Variants in FCHSD2 observed in about 807,000 individuals in gnomAD.
FCHSD2 encodes the protein F-BAR and double SH3 domains protein 2.
In FCHSD2, 38 loss-of-function variants were observed where a neutral mutation model predicts 108.1. The observed-to-expected ratio is 0.35, with a 90% CI of 0.27 to 0.46. FCHSD2 has a LOEUF of 0.46. FCHSD2 is among the 20% of genes least tolerant of loss of function. The pLI is 1.00. For missense variants in FCHSD2, 751 were observed against 897.8 expected, an observed-to-expected ratio of 0.84 and a Z score of 2.09; for synonymous variants, 279 against 314.7, an observed-to-expected ratio of 0.89 and a Z score of 1.20.
intron 12 of FCHSD2, among the ~76,000 whole-genome samples, chr11:72,880,714 G>A (rs1474951526): frequency 4.0e-5 from 6 of 151,742 alleles, no homozygotes; most frequent in African/African-American, 1.5e-4. Context: ...CCAGGAGTTC[G>A]AGACCAGTCT....
intron 3 of FCHSD2, among the ~76,000 whole-genome samples, chr11:73,077,960 G>A (rs1414860706): frequency 6.6e-6 from 1 of 152,186 alleles, no homozygotes; most frequent in East Asian, 1.9e-4. Context: ...GAGTAAGAGT[G>A]AGGGCAGTAA....
chr11:72,896,783 A>G (rs1855427777), intron 10 of FCHSD2, among the ~76,000 whole-genome samples: 1 of 150,710 alleles, frequency 6.6e-6, no homozygotes, highest in Non-Finnish European at 1.5e-5. Flanking sequence ...AAAAAAAAAA[A>G]AAAAAAAGAA....
At chr11:73,108,457 T>A (rs1860398864) in intron 2 of FCHSD2, among the ~76,000 whole-genome samples, 2 of 152,268 alleles carry the variant, frequency 1.3e-5, no homozygotes, top group Non-Finnish European at 2.9e-5. Context: ...GCTTGTGTAG[T>A]ATTACTCAAG....
chr11:72,886,187 A>G (rs1242356939), intron 12 of FCHSD2, among the ~76,000 whole-genome samples: 1 of 152,150 alleles, frequency 6.6e-6, no homozygotes, highest in Admixed American at 6.5e-5. Context: ...GAATCTTCTT[A>G]CATACTTATA....
In FCHSD2 at chr11:73,013,832, A is replaced by G. The variant is rs539433107; in HGVS notation, c.242+1977T>C. 5.9e-5 allele frequency among the ~76,000 whole-genome samples: 9 copies of G among 152,282 alleles called. No individual in the cohort carries two copies. The South Asian group carries it at 1.2e-3, about 21-fold the overall frequency. On this transcript the variant is annotated intron_variant, in intron 4 of 19. Coordinates refer to ENST00000409418, the MANE Select transcript of FCHSD2 (RefSeq NM_014824.3). ...CCTGAATTTTAAATAAACTTGGAAT[A>G]TAACTCCTGGCCTCAAGCAATCCTC...
chr11:73,100,432 C>T (rs1014593910), intron 2 of FCHSD2, among the ~76,000 whole-genome samples: 6 of 151,976 alleles, frequency 3.9e-5, no homozygotes, highest in East Asian at 3.9e-4. Flanking sequence ...GGTGCAATCT[C>T]GGTTCACCGC....
intron 3 of FCHSD2, among the ~76,000 whole-genome samples, chr11:73,040,088 A>G (rs1342179867): frequency 1.3e-5 from 2 of 152,214 alleles, no homozygotes; most frequent in Non-Finnish European, 2.9e-5. Context: ...CAAATTATCC[A>G]TTACTCAGAA....
intron 13 of FCHSD2, among the ~76,000 whole-genome samples, chr11:72,855,150 A>C (rs1219572333): frequency 1.3e-5 from 2 of 152,116 alleles, no homozygotes; most frequent in Non-Finnish European, 2.9e-5. Flanking sequence ...GCGCATGCCT[A>C]TAACCCCAGC....
At chr11:73,042,269 G>A (rs947258692) in intron 3 of FCHSD2, among the ~76,000 whole-genome samples, 11 of 152,210 alleles carry the variant, frequency 7.2e-5, no homozygotes, top group South Asian at 2.1e-4. Context: ...TCATTCTTCC[G>A]CATATGGATA....
At chr11:72,911,510 A>G (rs889675283) in intron 9 of FCHSD2, among the ~76,000 whole-genome samples, 1 of 152,112 alleles carries the variant, frequency 6.6e-6, no homozygotes, top group African/African-American at 2.4e-5. Context: ...TGCTTTTTCT[A>G]TCTCTGTGAA....
intron 19 of FCHSD2, among the ~76,000 whole-genome samples, chr11:72,839,386 G>A (rs891572295): frequency 1.3e-5 from 2 of 152,186 alleles, no homozygotes; most frequent in East Asian, 1.9e-4. Context: ...TCAGATCTGC[G>A]AAAAGATGAC....
At chr11:72,920,431 G>C (rs1338609429) in intron 9 of FCHSD2, among the ~76,000 whole-genome samples, 1 of 152,078 alleles carries the variant, frequency 6.6e-6, no homozygotes, top group Non-Finnish European at 1.5e-5. Context: ...AATCTAAATG[G>C]ACAAATAAAC....
rs747257782 is a variant in FCHSD2, at chr11:72,984,040, T to C, written c.705+48A>G. 4 of 1,522,422 alleles carry C rather than the reference T, an allele frequency of 2.6e-6. No individual in the cohort carries two copies. The South Asian group carries it at 4.7e-5, about 18-fold the overall frequency. 94.3% of individuals were successfully genotyped at this position (1,522,422 alleles called of 1,614,324 possible). On this transcript the variant is annotated intron_variant, in intron 8 of 19. Coordinates refer to ENST00000409418, the MANE Select transcript of FCHSD2 (RefSeq NM_014824.3). Reference sequence around the variant, plus strand: ...AACCCAACACCCAACTTAAGTTGTTTTTGTTTTCAATGAAGTAAAATTACC... The same window carrying C: ...AACCCAACACCCAACTTAAGTTGTTCTTGTTTTCAATGAAGTAAAATTACC...
chr11:73,080,438 T>C (rs942902344), intron 3 of FCHSD2, among the ~76,000 whole-genome samples: 7 of 151,860 alleles, frequency 4.6e-5, no homozygotes, highest in Middle Eastern at 3.4e-3. Flanking sequence ...ACAGCATAAA[T>C]ATCTATGTGC....
intron 8 of FCHSD2, among the ~76,000 whole-genome samples, chr11:72,982,992 T>G (rs1386582172): frequency 2.0e-5 from 3 of 151,966 alleles, no homozygotes; most frequent in Admixed American, 6.6e-5. Context: ...AAGACTCTTG[T>G]TTCTAAAAAT....
intron 4 of FCHSD2, 51 bp downstream of exon 4, chr11:73,015,757 AG>A: frequency 9.0e-7 from 1 of 1,109,136 alleles, no homozygotes; most frequent in Non-Finnish European, 1.3e-6. Flanking sequence ...TATGTAACAT[AG>A]CTTTAAGTAA....
chr11:73,100,752 A>C (rs1440639741), intron 2 of FCHSD2, among the ~76,000 whole-genome samples: 1 of 152,160 alleles, frequency 6.6e-6, no homozygotes, highest in Non-Finnish European at 1.5e-5. Flanking sequence ...TGGATGTGGT[A>C]ATGTTGAAAT....
At chr11:73,115,920 C>T (rs1045685914) in intron 2 of FCHSD2, among the ~76,000 whole-genome samples, 1 of 152,234 alleles carries the variant, frequency 6.6e-6, no homozygotes, top group Non-Finnish European at 1.5e-5. Flanking sequence ...TGTAGATTAA[C>T]ATTTGATTAA....
chr11:73,077,225 C>T (rs184198940), intron 3 of FCHSD2, among the ~76,000 whole-genome samples: 5 of 149,988 alleles, frequency 3.3e-5, no homozygotes, highest in African/African-American at 9.8e-5. Context: ...AACCAAACAA[C>T]CCAATTTAAA....
Sources: gnomAD v4.1 joint callset for allele counts (sites outside exome capture counted in the v4.1 genomes callset) on GRCh38, gnomAD v4.1.1 for gene constraint, MANE v1.5 for transcripts, NCBI Gene and HGNC (gene_info 2026-07-23, HGNC 2026-07-21) for gene names.